Variants in SGCZ observed in about 807,000 individuals in gnomAD.
The protein encoded by SGCZ is sarcoglycan zeta, also known as zeta-sarcoglycan.
SGCZ carries 40 observed loss-of-function variants against 41.3 expected under a neutral mutation model. The ratio of observed to expected loss-of-function variants is 0.97; its 90% confidence interval spans 0.75 to 1.26. The LOEUF (loss-of-function observed/expected upper bound fraction) is 1.26, where lower values mean the gene tolerates loss of function less well. SGCZ is among the 50% of genes most tolerant of loss of function. The pLI is 0.00. For synonymous variants in SGCZ, 206 were observed against 137.5 expected, an observed-to-expected ratio of 1.50 and a Z score of -3.49; for missense variants, 552 against 369.8, an observed-to-expected ratio of 1.49 and a Z score of -4.04.
chr8:15,040,255 G>A (rs1227543721), intron 1 of SGCZ, among the ~76,000 whole-genome samples: 2 of 152,122 alleles, frequency 1.3e-5, no homozygotes, highest in African/African-American at 4.8e-5. Flanking sequence ...CCATGTTAAC[G>A]AATATAGTAG....
rs139832006 is a variant in SGCZ at position 14,891,057 on chromosome 8, C to A, written c.40-336131G>T. Among the ~76,000 whole-genome samples the A allele has an allele frequency of 3.1e-3, 479 of 152,268 alleles. 3 individuals carry two copies. The highest frequency in any genetic ancestry group is 0.011 in the African/African-American group (459 of 41,550). On this transcript the variant is annotated intron_variant, in intron 1 of 7. Transcript: ENST00000382080. The stretch of plus-strand genomic sequence containing the variant: ...CCTGCTTATTGACAATGCACCTAAT[C>A]AACCAAAAGGCCTGGAGATACACAA...
chr8:14,826,180 A>G (rs959854690), intron 1 of SGCZ, among the ~76,000 whole-genome samples: 19 of 147,414 alleles, frequency 1.3e-4, no homozygotes, highest in East Asian at 2.0e-4. Context: ...GAGAACATGC[A>G]GTGTTTGGTT....
rs532920483 is a variant in SGCZ, at chr8:14,775,513, A to G, written c.40-220587T>C. On this transcript the variant is annotated intron_variant, in intron 1 of 7. Coordinates refer to ENST00000382080, the MANE Select transcript of SGCZ (RefSeq NM_139167.4). ...TGTGTGTGTGTGTACACAGGGGGGA[A>G]TAGAGATCATGAGGAAAGGTATACA... Among the ~76,000 whole-genome samples, 12 of 151,636 alleles carry G rather than the reference A, an allele frequency of 7.9e-5. No individual in the cohort carries two copies. The East Asian group carries it at 1.8e-3, about 22-fold the overall frequency.
chr8:15,186,289 A>G (rs1265288067), intron 1 of SGCZ, among the ~76,000 whole-genome samples: 1 of 82,464 alleles, frequency 1.2e-5, no homozygotes, highest in Non-Finnish European at 2.9e-5. Context: ...AAAAAAAAAA[A>G]AAAAAAAAAA....
intron 1 of SGCZ, among the ~76,000 whole-genome samples, chr8:15,210,101 C>T (rs1171996711): frequency 6.6e-6 from 1 of 152,006 alleles, no homozygotes; most frequent in East Asian, 1.9e-4. Context: ...TCTAAGAGGA[C>T]AAGTCTTTGG....
At chr8:15,226,622 C>G (rs1801783611) in intron 1 of SGCZ, among the ~76,000 whole-genome samples, 3 of 152,114 alleles carry the variant, frequency 2.0e-5, no homozygotes, top group African/African-American at 7.2e-5. Flanking sequence ...CCACTCTTTC[C>G]CAACTTATTC....
intron 1 of SGCZ, among the ~76,000 whole-genome samples, chr8:15,220,584 C>A (rs1801561500): frequency 6.6e-6 from 1 of 152,094 alleles, no homozygotes; most frequent in African/African-American, 2.4e-5. Context: ...ACTAGTTCAA[C>A]CATTGTGGAA....
intron 5 of SGCZ, among the ~76,000 whole-genome samples, chr8:14,121,083 G>C (rs1024293186): frequency 6.6e-6 from 1 of 152,054 alleles, no homozygotes; most frequent in African/African-American, 2.4e-5. Flanking sequence ...TAGAGAAATA[G>C]CCTAACGGCT....
intron 5 of SGCZ, among the ~76,000 whole-genome samples, chr8:14,154,042 C>G (rs562930323): frequency 1.3e-5 from 2 of 152,228 alleles, no homozygotes; most frequent in South Asian, 4.2e-4. Flanking sequence ...TGTTGGCACC[C>G]TGATCTCGAA....
intron 2 of SGCZ, among the ~76,000 whole-genome samples, chr8:14,459,174 A>G (rs557829562): frequency 3.7e-4 from 56 of 152,184 alleles, no homozygotes; most frequent in African/African-American, 1.3e-3. Context: ...AGGACAAAAA[A>G]CCAAACACCG....
intron 1 of SGCZ, among the ~76,000 whole-genome samples, chr8:15,059,068 A>C (rs1226452624): frequency 6.6e-6 from 1 of 152,112 alleles, no homozygotes; most frequent in Non-Finnish European, 1.5e-5. Flanking sequence ...GCTATGCTGG[A>C]AGTATTATCA....
chr8:14,285,372 G>C (rs552716654), intron 3 of SGCZ, among the ~76,000 whole-genome samples: 188 of 152,176 alleles, frequency 1.2e-3, no homozygotes, highest in Non-Finnish European at 2.4e-3. Flanking sequence ...AAGAACAAGA[G>C]ATTACTGGAG....
chr8:14,730,648 C>G (rs994898672), intron 1 of SGCZ, among the ~76,000 whole-genome samples: 1 of 150,840 alleles, frequency 6.6e-6, no homozygotes, highest in African/African-American at 2.5e-5. Context: ...GAACTGAAAA[C>G]TGTCACTATG....
chr8:15,068,244 T>C (rs1172549475), intron 1 of SGCZ, among the ~76,000 whole-genome samples: 1 of 152,252 alleles, frequency 6.6e-6, no homozygotes, highest in Non-Finnish European at 1.5e-5. Flanking sequence ...ATTGTGATAC[T>C]CATCCTTTGT....
chr8:14,222,404 G>A (rs532948253), intron 4 of SGCZ, among the ~76,000 whole-genome samples: 3 of 151,934 alleles, frequency 2.0e-5, no homozygotes, highest in Non-Finnish European at 4.4e-5. Flanking sequence ...TCCTGACCTT[G>A]TGATCCACCC....
intron 2 of SGCZ, among the ~76,000 whole-genome samples, chr8:14,468,356 CT>C (rs1473636338): frequency 3.3e-5 from 5 of 151,974 alleles, no homozygotes; most frequent in Non-Finnish European, 7.4e-5. Flanking sequence ...AAGAAGTAAA[CT>C]TTTATGATAT....
chr8:14,629,586 G>T (rs1293175935), intron 1 of SGCZ, among the ~76,000 whole-genome samples: 1 of 152,058 alleles, frequency 6.6e-6, no homozygotes, highest in Non-Finnish European at 1.5e-5. Flanking sequence ...CTTAGCCACT[G>T]GAAAGTGACT....
chr8:14,313,614 G>A (rs978765060), intron 3 of SGCZ, among the ~76,000 whole-genome samples: 1 of 152,178 alleles, frequency 6.6e-6, no homozygotes, highest in Non-Finnish European at 1.5e-5. Context: ...GGGATTACAG[G>A]TGTGGGCCAC....
chr8:14,454,017 A>C (rs1449309962), intron 2 of SGCZ, among the ~76,000 whole-genome samples: 1 of 152,178 alleles, frequency 6.6e-6, no homozygotes, highest in Non-Finnish European at 1.5e-5. Context: ...GTTTTTAATG[A>C]ATCTTTGTGA....
Sources: allele counts gnomAD v4.1 joint callset (sites outside exome capture counted in the v4.1 genomes callset), GRCh38; gene constraint gnomAD v4.1.1; transcripts MANE v1.5; gene names NCBI Gene and HGNC (gene_info 2026-07-23, HGNC 2026-07-21).